The following SLC12A7 variants were observed in gnomAD, a reference collection of about 807,000 sequenced individuals.
SLC12A7 encodes the protein K-Cl cotransporter 4.
Under a neutral mutation model 120.6 loss-of-function variants are expected in SLC12A7, and 100 were observed. The observed-to-expected ratio is 0.83, with a 90% CI of 0.71 to 0.98. The LOEUF is 0.98. Ranked by LOEUF, SLC12A7 falls within the 50% of genes least tolerant of loss-of-function variation. The pLI is 0.00. For synonymous variants in SLC12A7, 760 were observed against 678.0 expected (o/e 1.12, Z -1.88); for missense variants, 1,373 against 1,548.1 (o/e 0.89, Z 1.90).
the SLC12A7 span, among the ~76,000 whole-genome samples, chr5:1,155,477 G>C: frequency 6.6e-6 from 1 of 152,154 alleles, no homozygotes; most frequent in Non-Finnish European, 1.5e-5. Flanking sequence ...GCCCCGGACA[G>C]GGCGGGATCC....
the SLC12A7 span, among the ~76,000 whole-genome samples, chr5:1,136,203 C>A: frequency 6.6e-6 from 1 of 152,144 alleles, no homozygotes; most frequent in Non-Finnish European, 1.5e-5. Context: ...TCCCAAGGAA[C>A]CATCCGTGCA....
At chr5:1,093,497 G>GCGGGGACTGGA in intron 3 of SLC12A7, 36 bp downstream of exon 3, 2 of 1,559,822 alleles carry the variant, frequency 1.3e-6, no homozygotes, top group Non-Finnish European at 1.7e-6. Context: ...GACACACGGG[G>GCGGGGACTGGA]CGGGGACTGG....
intron 22 of SLC12A7, among the ~76,000 whole-genome samples, chr5:1,053,908 C>T (rs1275987004): frequency 1.3e-5 from 2 of 152,232 alleles, no homozygotes; most frequent in Non-Finnish European, 2.9e-5. Flanking sequence ...CCCCTAAACC[C>T]CACGTCAGAC....
At chr5:1,093,065 G>A (rs1306070699) in intron 3 of SLC12A7, among the ~76,000 whole-genome samples, 1 of 152,144 alleles carries the variant, frequency 6.6e-6, no homozygotes, top group African/African-American at 2.4e-5. Context: ...ACGGATTCCT[G>A]GAAACAAATC....
At position 1,081,676 on chromosome 5, in the gene SLC12A7, C is replaced by T. The variant is rs750826782; in HGVS notation, c.1198G>A (p.Val400Met). 2.2e-5 allele frequency: 36 copies of T among 1,613,012 alleles called. No individual in the cohort carries two copies. Among genetic ancestry groups the T allele is most frequent in the South Asian group, 1.4e-4 (13 of 91,078 alleles). Residue 400 changes from valine (V) to methionine (M), a missense_variant, in exon 9 of 24, where the codon GTG becomes ATG. By Grantham distance (21) the Val-to-Met change is conservative (BLOSUM62 1). Coordinates refer to ENST00000264930, the MANE Select transcript of SLC12A7 (RefSeq NM_006598.3). Reference sequence around the variant, plus strand: ...GCGCTGGCACGGCTCTCCTCTGCCACGGGCACCGAGGGCACACCTTTCTTC... The same window carrying T: ...GCGCTGGCACGGCTCTCCTCTGCCATGGGCACCGAGGGCACACCTTTCTTC... ...VEKKGVPSVP[V>M]AEESRASALP... is the part of the protein sequence containing the mutation.
At chr5:1,147,699 T>C in the SLC12A7 span, among the ~76,000 whole-genome samples, 17 of 152,220 alleles carry the variant, frequency 1.1e-4, no homozygotes, top group African/African-American at 4.1e-4. Flanking sequence ...ATACTTTCCA[T>C]GTACTGATTT....
the SLC12A7 span, among the ~76,000 whole-genome samples, chr5:1,137,277 G>C: frequency 3.9e-5 from 6 of 152,084 alleles, no homozygotes; most frequent in Non-Finnish European, 5.9e-5. Context: ...GCCACTTCCT[G>C]CGTAGCCCCC....
At chr5:1,087,166 C>T (rs1048375238) in intron 5 of SLC12A7, 133 bp from the exon 6 acceptor site, 31 of 1,205,472 alleles carry the variant, frequency 2.6e-5, no homozygotes, top group African/African-American at 7.7e-5. Flanking sequence ...CTCGTCCACC[C>T]GCAAAGCAGC....
chr5:1,143,891 G>A, the SLC12A7 span, among the ~76,000 whole-genome samples: 30 of 149,966 alleles, frequency 2.0e-4, no homozygotes, highest in Non-Finnish European at 2.7e-4. Flanking sequence ...GCACCCTGGC[G>A]CTGGGAAACC....
chr5:1,125,073 A>G, the SLC12A7 span, among the ~76,000 whole-genome samples: 11 of 152,296 alleles, frequency 7.2e-5, no homozygotes, highest in East Asian at 2.1e-3. Flanking sequence ...CTATGTGGAA[A>G]TGCACCCAGC....
the SLC12A7 span, among the ~76,000 whole-genome samples, chr5:1,139,893 C>T: frequency 2.9e-4 from 44 of 152,348 alleles, no homozygotes; most frequent in African/African-American, 1.0e-3. Flanking sequence ...TCCACATCTC[C>T]AAACGGCGTT....
rs1736675173 is a variant in SLC12A7, at chr5:1,064,262, G to T, written c.2438-10C>A. ...GTGTCGCGGACGGTGTCTGCGGAGA[G>T]AGGCGGCCGTCCGCAGGTCATCTGA... is the stretch of plus-strand genomic sequence containing the variant. On this transcript the variant is annotated splice_polypyrimidine_tract_variant and intron_variant, in intron 18 of 23. Transcript: ENST00000264930. 1 of 1,604,828 alleles carries T rather than the reference G, an allele frequency of 6.2e-7. No homozygotes were observed. Among genetic ancestry groups the T allele is most frequent in the Non-Finnish European group, 8.5e-7 (1 of 1,175,686 alleles).
At chr5:1,059,300 GAGC>G (rs1371962466) in intron 21 of SLC12A7, among the ~76,000 whole-genome samples, 3 of 152,348 alleles carry the variant, frequency 2.0e-5, no homozygotes, top group South Asian at 4.1e-4. Flanking sequence ...TGTTGGGGGA[GAGC>G]AGCAGTCGCT....
At chr5:1,116,374 G>A (rs943711439), upstream of SLC12A7, among the ~76,000 whole-genome samples, 6 of 152,228 alleles carry the variant, frequency 3.9e-5, no homozygotes, top group East Asian at 3.9e-4. Flanking sequence ...GGCCAGGTAC[G>A]TGGGGTTCTG....
At chr5:1,102,619 T>C (rs376758287) in intron 1 of SLC12A7, among the ~76,000 whole-genome samples, 2 of 152,154 alleles carry the variant, frequency 1.3e-5, no homozygotes, top group Admixed American at 6.5e-5. Context: ...TGCAGAGCAG[T>C]GGCGGGTGGC....
intron 3 of SLC12A7, among the ~76,000 whole-genome samples, chr5:1,093,332 G>A (rs1038417841): frequency 8.5e-5 from 13 of 152,166 alleles, no homozygotes; most frequent in Admixed American, 6.5e-5. Context: ...ACGCTTCCCC[G>A]GACGGTGGAG....
In SLC12A7 at chr5:1,088,971, G is replaced by C; in HGVS notation, c.489+11C>G. 1 of 1,612,624 alleles carries C rather than the reference G, an allele frequency of 6.2e-7. No homozygotes were observed. Reference sequence around the variant, plus strand: ...CGAAGGCACAGCCACACCTGGCCGGGGGAGACTCACACATGTGCAGCACAT... The same window carrying C: ...CGAAGGCACAGCCACACCTGGCCGGCGGAGACTCACACATGTGCAGCACAT... On this transcript the variant is annotated intron_variant, in intron 4 of 23. Coordinates refer to ENST00000264930, the MANE Select transcript of SLC12A7 (RefSeq NM_006598.3).
chr5:1,069,375 T>G (rs1232554326), intron 17 of SLC12A7, among the ~76,000 whole-genome samples: 1 of 152,176 alleles, frequency 6.6e-6, no homozygotes, highest in Non-Finnish European at 1.5e-5. Flanking sequence ...TCAGTGCGGC[T>G]GTGGTTGTGC....
At chr5:1,074,079 A>G (rs140668428) in intron 16 of SLC12A7, among the ~76,000 whole-genome samples, 30 of 152,218 alleles carry the variant, frequency 2.0e-4, no homozygotes, top group African/African-American at 7.0e-4. Flanking sequence ...GCAGGACAGG[A>G]GAACAGGTAG....
Sources: allele counts gnomAD v4.1 joint callset (sites outside exome capture counted in the v4.1 genomes callset), GRCh38; gene constraint gnomAD v4.1.1; transcripts MANE v1.5; gene names NCBI Gene and HGNC (gene_info 2026-07-23, HGNC 2026-07-21).